Variants in JAZF1 observed in about 807,000 individuals in gnomAD.
JAZF1 encodes the protein JAZF zinc finger 1, also known as juxtaposed with another zinc finger protein 1.
A neutral mutation model predicts 26.4 loss-of-function variants in JAZF1; 8 were observed. The ratio of observed to expected loss-of-function variants is 0.30; its 90% CI spans 0.18 to 0.55. The LOEUF is 0.55. JAZF1 is among the 20% of genes least tolerant of loss of function. The pLI, the probability that JAZF1 is intolerant of heterozygous loss-of-function variation, is 0.94. For synonymous variants in JAZF1, 126 were observed against 122.3 expected, an observed-to-expected ratio of 1.03 and a Z score of -0.20; for missense variants, 199 against 322.0, an observed-to-expected ratio of 0.62 and a Z score of 2.92.
At chr7:27,866,299 G>A (rs6942908) in intron 3 of JAZF1, among the ~76,000 whole-genome samples, 109,321 of 152,170 alleles carry the variant, frequency 0.72, 39,931 homozygotes, top group African/African-American at 0.85. Flanking sequence ...CACACAGAAC[G>A]GCTTCATCCT....
chr7:28,166,882 T>G (rs533105204), intron 1 of JAZF1, among the ~76,000 whole-genome samples: 57 of 152,206 alleles, frequency 3.7e-4, no homozygotes, highest in South Asian at 2.9e-3. Context: ...TCACCTAATA[T>G]CTCCAAGGTA....
intron 3 of JAZF1, among the ~76,000 whole-genome samples, chr7:27,893,763 A>G (rs1295257390): frequency 6.6e-6 from 1 of 152,196 alleles, no homozygotes; most frequent in Admixed American, 6.5e-5. Context: ...TGTTTCTCAG[A>G]CAGCACAAAC....
intron 2 of JAZF1, among the ~76,000 whole-genome samples, chr7:27,907,689 G>A (rs1196607348): frequency 1.3e-5 from 2 of 152,204 alleles, no homozygotes; most frequent in East Asian, 1.9e-4. Flanking sequence ...ACACTGGGTT[G>A]AGAAAGGGGA....
At chr7:28,070,191 C>G (rs1295499872) in intron 1 of JAZF1, among the ~76,000 whole-genome samples, 1 of 152,192 alleles carries the variant, frequency 6.6e-6, no homozygotes, top group Non-Finnish European at 1.5e-5. Flanking sequence ...GATAGCATTA[C>G]TGTAATCTCT....
intron 1 of JAZF1, among the ~76,000 whole-genome samples, chr7:28,068,308 A>T (rs1783918961): frequency 6.7e-6 from 1 of 149,898 alleles, no homozygotes. Flanking sequence ...TAAGATGATT[A>T]TTATCTCTAA....
intron 1 of JAZF1, among the ~76,000 whole-genome samples, chr7:28,051,704 G>T (rs1385504615): frequency 6.6e-6 from 1 of 152,024 alleles, no homozygotes; most frequent in East Asian, 1.9e-4. Context: ...ATGTCCTGGG[G>T]TTCATATGCA....
At chr7:28,017,043 C>G (rs113219460) in intron 1 of JAZF1, among the ~76,000 whole-genome samples, 1 of 152,276 alleles carries the variant, frequency 6.6e-6, no homozygotes, top group African/African-American at 2.4e-5. Flanking sequence ...TCTTCACTGG[C>G]ACTTAGGTTA....
At chr7:28,102,206 C>A (rs1353143264) in intron 1 of JAZF1, among the ~76,000 whole-genome samples, 2 of 152,184 alleles carry the variant, frequency 1.3e-5, no homozygotes, top group Non-Finnish European at 2.9e-5. Flanking sequence ...AGAGATGGAC[C>A]AAATCCATCC....
At chr7:27,852,130 C>CTTTTTTTTTTTTTTT (rs113021262) in intron 3 of JAZF1, among the ~76,000 whole-genome samples, 1 of 125,256 alleles carries the variant, frequency 8.0e-6, no homozygotes, top group Non-Finnish European at 1.8e-5. Flanking sequence ...ATAAACAGGA[C>CTTTTTTTTTTTTTTT]TTTTTTTTTT....
At chr7:27,862,906 T>C (rs1018087979) in intron 3 of JAZF1, among the ~76,000 whole-genome samples, 1 of 152,220 alleles carries the variant, frequency 6.6e-6, no homozygotes, top group Non-Finnish European at 1.5e-5. Context: ...CTGTCTTGGA[T>C]TACTCCTGCC....
At chr7:27,969,573 G>A (rs190645171) in intron 2 of JAZF1, among the ~76,000 whole-genome samples, 4 of 152,244 alleles carry the variant, frequency 2.6e-5, no homozygotes, top group African/African-American at 9.6e-5. Flanking sequence ...AGACTGACAC[G>A]AGTGCAATGA....
intron 2 of JAZF1, among the ~76,000 whole-genome samples, chr7:27,943,300 T>G (rs1223474000): frequency 2.0e-5 from 3 of 152,084 alleles, no homozygotes; most frequent in Non-Finnish European, 4.4e-5. Context: ...AAATAGCATT[T>G]CCCTGGTGGC....
In JAZF1 at chr7:27,861,016, C is replaced by T. The variant is rs181475873; in HGVS notation, c.386-20149G>A. On this transcript the variant is annotated intron_variant, in intron 3 of 4. Transcript: ENST00000283928. The stretch of plus-strand genomic sequence containing the variant: ...CCCTTTTCCTCTCCCCACATGGGGC[C>T]GATGCCTGTTCCAAGGTTCTGTGTC... Among the ~76,000 whole-genome samples the T allele has an allele frequency of 1.3e-4, 20 of 152,336 alleles. No homozygotes were observed. In the East Asian group the frequency reaches 2.3e-3, roughly 18 times the overall value.
chr7:28,040,326 G>GTCC (rs1299618266), intron 1 of JAZF1, among the ~76,000 whole-genome samples: 3 of 152,160 alleles, frequency 2.0e-5, no homozygotes, highest in Non-Finnish European at 4.4e-5. Context: ...GGCAAGCAAG[G>GTCC]TCCTGTTCTT....
intron 2 of JAZF1, among the ~76,000 whole-genome samples, chr7:27,987,300 G>A (rs554625611): frequency 4.2e-4 from 63 of 151,032 alleles, no homozygotes; most frequent in Non-Finnish European, 6.2e-4. Flanking sequence ...GCCTCTGCCC[G>A]GCTGCGACCC....
At chr7:27,870,663 C>CA (rs1783564313) in intron 3 of JAZF1, among the ~76,000 whole-genome samples, 2 of 152,204 alleles carry the variant, frequency 1.3e-5, no homozygotes, top group Admixed American at 1.3e-4. Flanking sequence ...AGCAAAGGTC[C>CA]AAGCAAGGGT....
chr7:27,942,568 A>G (rs1205899796), intron 2 of JAZF1, among the ~76,000 whole-genome samples: 1 of 152,134 alleles, frequency 6.6e-6, no homozygotes, highest in East Asian at 1.9e-4. Context: ...CCCTCTGGAG[A>G]TGAGGAAAGA....
chr7:28,163,027 A>G (rs559158283), intron 1 of JAZF1, among the ~76,000 whole-genome samples: 1 of 152,332 alleles, frequency 6.6e-6, no homozygotes, highest in South Asian at 2.1e-4. Context: ...GAGGCCCACA[A>G]TTTAGTGAGG....
intron 1 of JAZF1, among the ~76,000 whole-genome samples, chr7:28,145,502 C>T (rs1346142192): frequency 6.6e-6 from 1 of 152,124 alleles, no homozygotes; most frequent in Admixed American, 6.6e-5. Flanking sequence ...ATATTTAGCA[C>T]CATAGTTTCT....
Sources: gnomAD v4.1 joint callset for allele counts (sites outside exome capture counted in the v4.1 genomes callset) on GRCh38, gnomAD v4.1.1 for gene constraint, MANE v1.5 for transcripts, NCBI Gene and HGNC (gene_info 2026-07-23, HGNC 2026-07-21) for gene names.